KHDRBS2: variants seen among roughly 807,000 people sequenced by gnomAD.
The protein encoded by KHDRBS2 is KH RNA binding domain containing, signal transduction associated 2, also known as KH domain-containing, RNA-binding, signal transduction-associated protein 2.
Under a neutral mutation model 44.3 loss-of-function variants are expected in KHDRBS2, and 26 were observed. That is an observed-to-expected ratio of 0.59 (90% confidence interval 0.43 to 0.81). The LOEUF (loss-of-function observed/expected upper bound fraction) is 0.81, where lower values mean the gene tolerates loss of function less well. Among genes scored for constraint, KHDRBS2 ranks in the 40% least tolerant of loss-of-function variants. KHDRBS2 has a pLI of 0.00. For missense variants in KHDRBS2, 476 were observed against 433.1 expected (o/e 1.10, Z -0.88); for synonymous variants, 194 against 151.1 (o/e 1.28, Z -2.08).
At chr6:62,037,690 T>C (rs1301806153) in intron 3 of KHDRBS2, among the ~76,000 whole-genome samples, 3 of 151,984 alleles carry the variant, frequency 2.0e-5, no homozygotes, top group Non-Finnish European at 4.4e-5. Context: ...TGTTTGCCTT[T>C]TTTTAAAACC....
chr6:62,017,680 A>G, intron 3 of KHDRBS2, among the ~76,000 whole-genome samples: 1 of 152,116 alleles, frequency 6.6e-6, no homozygotes, highest in East Asian at 1.9e-4. Flanking sequence ...TAGTATTGAA[A>G]TTTGCAATAA....
chr6:62,251,885 A>G (rs1836601691), intron 1 of KHDRBS2, among the ~76,000 whole-genome samples: 1 of 151,932 alleles, frequency 6.6e-6, no homozygotes, highest in African/African-American at 2.4e-5. Flanking sequence ...GATAAAGCAT[A>G]AATAATATTA....
At chr6:62,221,892 A>T (rs531805522) in intron 1 of KHDRBS2, among the ~76,000 whole-genome samples, 6 of 152,256 alleles carry the variant, frequency 3.9e-5, no homozygotes, top group African/African-American at 1.4e-4. Context: ...CCCTAAACTA[A>T]AAACTAATTT....
chr6:62,105,317 T>A (rs570472046), intron 2 of KHDRBS2, among the ~76,000 whole-genome samples: 1 of 152,270 alleles, frequency 6.6e-6, no homozygotes, highest in South Asian at 2.1e-4. Flanking sequence ...AAAAGAAAAT[T>A]CACACAAATA....
At chr6:61,676,373 A>G (rs1053224571), downstream of KHDRBS2, among the ~76,000 whole-genome samples, 1 of 151,872 alleles carries the variant, frequency 6.6e-6, no homozygotes, top group Non-Finnish European at 1.5e-5. Context: ...CAGAAAAATC[A>G]TCCCAGCCAA....
intron 1 of KHDRBS2, among the ~76,000 whole-genome samples, chr6:62,205,547 G>A (rs957606389): frequency 6.6e-6 from 1 of 152,006 alleles, no homozygotes; most frequent in African/African-American, 2.4e-5. Flanking sequence ...AACCTACTAC[G>A]GGTCTCCTTC....
chr6:61,589,536 C>T, the KHDRBS2 span, among the ~76,000 whole-genome samples: 2 of 152,126 alleles, frequency 1.3e-5, no homozygotes, highest in Non-Finnish European at 2.9e-5. Context: ...ACAAGTTTCT[C>T]AGGATAATTT....
intron 6 of KHDRBS2, among the ~76,000 whole-genome samples, chr6:61,831,638 T>A (rs1041625900): frequency 6.6e-6 from 1 of 152,162 alleles, no homozygotes; most frequent in Non-Finnish European, 1.5e-5. Flanking sequence ...ATGTAATTAA[T>A]ATGCTCAGTG....
At chr6:62,049,400 C>A (rs1788472815) in intron 2 of KHDRBS2, among the ~76,000 whole-genome samples, 1 of 151,214 alleles carries the variant, frequency 6.6e-6, no homozygotes. Context: ...TATGTGACAA[C>A]TAAAATTATA....
chr6:62,084,881 C>T (rs2127358313), intron 2 of KHDRBS2, among the ~76,000 whole-genome samples: 1 of 152,090 alleles, frequency 6.6e-6, no homozygotes, highest in South Asian at 2.1e-4. Flanking sequence ...GACTATTTTC[C>T]TTTGCTTTCA....
chr6:62,208,271 G>A (rs1828378701), intron 1 of KHDRBS2, among the ~76,000 whole-genome samples: 1 of 152,080 alleles, frequency 6.6e-6, no homozygotes, highest in Non-Finnish European at 1.5e-5. Context: ...ACAGGCTTGA[G>A]TGCAGTGCTA....
At chr6:61,581,832 C>T in the KHDRBS2 span, among the ~76,000 whole-genome samples, 1 of 151,154 alleles carries the variant, frequency 6.6e-6, no homozygotes, top group East Asian at 1.9e-4. Flanking sequence ...TAGCTTTATA[C>T]CCAAGATCAA....
At chr6:62,268,699 A>G (rs1335984479) in intron 1 of KHDRBS2, among the ~76,000 whole-genome samples, 1 of 152,024 alleles carries the variant, frequency 6.6e-6, no homozygotes, top group Non-Finnish European at 1.5e-5. Flanking sequence ...ATGTTTCCTC[A>G]ATTTTTTTTC....
At chr6:61,767,862 G>T (rs1270616935) in intron 6 of KHDRBS2, among the ~76,000 whole-genome samples, 1 of 151,702 alleles carries the variant, frequency 6.6e-6, no homozygotes, top group East Asian at 1.9e-4. Flanking sequence ...TTTTATTTTT[G>T]ATAGGTTCAC....
chr6:61,948,962 A>G (rs985558902), intron 4 of KHDRBS2, among the ~76,000 whole-genome samples: 6 of 152,002 alleles, frequency 3.9e-5, no homozygotes, highest in African/African-American at 9.7e-5. Context: ...CCATCCACCC[A>G]TGGGAGCTAC....
intron 6 of KHDRBS2, among the ~76,000 whole-genome samples, chr6:61,765,113 G>T (rs1779819591): frequency 6.6e-6 from 1 of 152,120 alleles, no homozygotes; most frequent in Admixed American, 6.6e-5. Context: ...GAACTCATTG[G>T]TTTTAAAATG....
chr6:61,885,133 A>G (rs1411351847), intron 6 of KHDRBS2, among the ~76,000 whole-genome samples: 4 of 152,054 alleles, frequency 2.6e-5, no homozygotes, highest in African/African-American at 4.8e-5. Flanking sequence ...ACAAATCCCT[A>G]TGCTTTTTGG....
intron 6 of KHDRBS2, among the ~76,000 whole-genome samples, chr6:61,811,743 A>G (rs1246517766): frequency 6.6e-6 from 1 of 152,048 alleles, no homozygotes; most frequent in Non-Finnish European, 1.5e-5. Flanking sequence ...CCAAGATTAA[A>G]CACATTTAAC....
At chr6:62,224,493 G>A (rs1162130268) in intron 1 of KHDRBS2, among the ~76,000 whole-genome samples, 1 of 152,068 alleles carries the variant, frequency 6.6e-6, no homozygotes, top group Admixed American at 6.6e-5. Flanking sequence ...ATGAACAAAT[G>A]GCTAAACTTT....
Sources: allele counts gnomAD v4.1 joint callset (sites outside exome capture counted in the v4.1 genomes callset), GRCh38; gene constraint gnomAD v4.1.1; transcripts MANE v1.5; gene names NCBI Gene and HGNC (gene_info 2026-07-23, HGNC 2026-07-21).